Variants in GRIA2 observed in about 807,000 individuals in gnomAD.
The protein encoded by GRIA2 is glutamate receptor 2.
Under a neutral mutation model 97.3 loss-of-function variants are expected in GRIA2, and 14 were observed. That is an observed-to-expected ratio of 0.14 (90% CI 0.10 to 0.23). The LOEUF (loss-of-function observed/expected upper bound fraction) is 0.23, where lower values mean the gene tolerates loss of function less well. Among genes scored for constraint, GRIA2 ranks in the 10% least tolerant of loss-of-function variants. The probability of loss-of-function intolerance (pLI) is 1.00; values close to 1 mark genes in which losing one functional copy is unlikely to be tolerated. For missense variants in GRIA2, 558 were observed against 1,069.8 expected (o/e 0.52, Z 6.67); for synonymous variants, 412 against 387.8 (o/e 1.06, Z -0.73).
At chr4:157,327,204 A>C (rs1338171542) in intron 6 of GRIA2, among the ~76,000 whole-genome samples, 1 of 152,106 alleles carries the variant, frequency 6.6e-6, no homozygotes, top group Non-Finnish European at 1.5e-5. Flanking sequence ...CTTAAATCTC[A>C]CACAGTGGTT....
At chr4:157,338,535 T>C (rs1252371002) in intron 11 of GRIA2, among the ~76,000 whole-genome samples, 14 of 152,044 alleles carry the variant, frequency 9.2e-5, no homozygotes. Context: ...CCATGACATA[T>C]AGATGACTTC....
At chr4:157,258,735 A>G (rs1731392828) in intron 2 of GRIA2, among the ~76,000 whole-genome samples, 1 of 152,006 alleles carries the variant, frequency 6.6e-6, no homozygotes, top group Non-Finnish European at 1.5e-5. Context: ...ACCTGCCAAC[A>G]TGTGATGTCT....
intron 12 of GRIA2, among the ~76,000 whole-genome samples, chr4:157,358,606 G>A (rs559879544): frequency 6.6e-6 from 1 of 152,202 alleles, no homozygotes; most frequent in South Asian, 2.1e-4. Context: ...ATAGACCACT[G>A]AGCTGAAATG....
At chr4:157,311,898 A>C (rs531785461) in intron 3 of GRIA2, among the ~76,000 whole-genome samples, 2 of 152,202 alleles carry the variant, frequency 1.3e-5, no homozygotes, top group South Asian at 4.1e-4. Context: ...TGTAACTCTT[A>C]GTCCTAAATA....
At chr4:157,311,429 T>G (rs1184842205) in intron 3 of GRIA2, among the ~76,000 whole-genome samples, 1 of 152,028 alleles carries the variant, frequency 6.6e-6, no homozygotes, top group African/African-American at 2.4e-5. Context: ...TTCCTTCCCT[T>G]CTGGTGTCAT....
Position 157,312,862 on chromosome 4 carries a change from A to G in GRIA2, c.653A>G (p.Asp218Gly). The G allele has an allele frequency of 1.9e-6, 3 of 1,586,228 alleles. No homozygotes were observed. The highest frequency in any genetic ancestry group is 1.7e-6 in the Non-Finnish European group (2 of 1,164,132). The change falls in exon 4 of 16, where the codon GAC becomes GGC. Residue 218 changes from aspartate to glycine, a missense_variant. Around this residue, in one of 8 missense-constraint regions of GRIA2, gnomAD observed 173 missense variants for 209.1 expected, o/e 0.83. Coordinates refer to ENST00000264426, the MANE Select transcript of GRIA2 (RefSeq NM_001083619.3). ...GACTGTGAAAGGGATAAAGTAAACG[A>G]CATTGTAGACCAGGTTTGCTACTTT... ...ILDCERDKVN[D>G]IVDQVITIGK...
intron 2 of GRIA2, among the ~76,000 whole-genome samples, chr4:157,248,592 T>TACAC (rs1491429626): frequency 7.8e-6 from 1 of 128,030 alleles, no homozygotes; most frequent in African/African-American, 3.0e-5. Flanking sequence ...CGTGTATATA[T>TACAC]GTATATATAT....
At chr4:157,327,553 T>C (rs943344650) in intron 6 of GRIA2, among the ~76,000 whole-genome samples, 3 of 152,144 alleles carry the variant, frequency 2.0e-5, no homozygotes, top group Non-Finnish European at 4.4e-5. Flanking sequence ...TCAAAAATAA[T>C]TTATGAATAT....
intron 2 of GRIA2, among the ~76,000 whole-genome samples, chr4:157,295,666 T>C (rs1390479375): frequency 1.3e-5 from 2 of 152,118 alleles, no homozygotes; most frequent in African/African-American, 4.8e-5. Flanking sequence ...AGTGGAAAAG[T>C]GAACTTTAAA....
chr4:157,264,307 G>C (rs1731673162), intron 2 of GRIA2, among the ~76,000 whole-genome samples: 1 of 152,026 alleles, frequency 6.6e-6, no homozygotes, highest in Admixed American at 6.6e-5. Flanking sequence ...TTTCTTCCTG[G>C]AGTCTCTAGG....
chr4:157,323,060 G>A (rs1391708786), intron 6 of GRIA2, among the ~76,000 whole-genome samples: 1 of 152,074 alleles, frequency 6.6e-6, no homozygotes, highest in Non-Finnish European at 1.5e-5. Flanking sequence ...TTGTGGCCGG[G>A]CGCAGTGGCT....
At chr4:157,251,533 C>A (rs930907728) in intron 2 of GRIA2, among the ~76,000 whole-genome samples, 11 of 152,058 alleles carry the variant, frequency 7.2e-5, no homozygotes, top group African/African-American at 2.7e-4. Flanking sequence ...CTTACTTAGT[C>A]CTGTAGTACA....
intron 14 of GRIA2, among the ~76,000 whole-genome samples, chr4:157,362,091 T>A (rs913885387): frequency 3.9e-5 from 6 of 152,130 alleles, no homozygotes; most frequent in African/African-American, 1.4e-4. Context: ...GCTCTGTTTG[T>A]ATTGAATGGC....
At chr4:157,302,060 C>T (rs1733638839) in intron 2 of GRIA2, among the ~76,000 whole-genome samples, 1 of 151,804 alleles carries the variant, frequency 6.6e-6, no homozygotes, top group Non-Finnish European at 1.5e-5. Flanking sequence ...GTAATCCCAG[C>T]TACTCGAGAG....
At position 157,280,277 on chromosome 4, in the gene GRIA2, G is replaced by A. The variant is rs145409134; in HGVS notation, c.230-23275G>A. On this transcript the variant is annotated intron_variant, in intron 2 of 15. Transcript: ENST00000264426. The stretch of plus-strand genomic sequence containing the variant: ...AATGTCAAGGAACTGTGATGCTTGA[G>A]AGTTGAAGAGTCACAGGAAAAGTGA... Among the ~76,000 whole-genome samples the A allele has an allele frequency of 3.5e-3, 539 of 152,228 alleles. 2 individuals carry two copies. Among genetic ancestry groups the A allele is most frequent in the East Asian group, 0.018 (94 of 5,166 alleles).
chr4:157,340,361 T>C (rs1030688683), intron 11 of GRIA2, among the ~76,000 whole-genome samples: 2 of 151,940 alleles, frequency 1.3e-5, no homozygotes, highest in Non-Finnish European at 2.9e-5. Context: ...ATCAAATCTT[T>C]CAAAATAATA....
chr4:157,241,198 G>A (rs538532038), intron 2 of GRIA2, among the ~76,000 whole-genome samples: 66 of 152,218 alleles, frequency 4.3e-4, no homozygotes, highest in African/African-American at 1.5e-3. Flanking sequence ...GGCTTTGATG[G>A]ATACAGATTT....
At chr4:157,260,544 C>T (rs926401391) in intron 2 of GRIA2, among the ~76,000 whole-genome samples, 4 of 152,090 alleles carry the variant, frequency 2.6e-5, no homozygotes, top group Non-Finnish European at 1.5e-5. Context: ...CTCCCCCTGC[C>T]TTTAAAACAT....
At chr4:157,336,007 GT>G (rs1366853003) in intron 10 of GRIA2, 130 bp downstream of exon 10, 4 of 693,120 alleles carry the variant, frequency 5.8e-6, no homozygotes, top group Non-Finnish European at 7.7e-6. Flanking sequence ...ACATTATCTT[GT>G]TGATTTGTGA....
Sources: allele counts gnomAD v4.1 joint callset (sites outside exome capture counted in the v4.1 genomes callset), GRCh38; gene constraint gnomAD v4.1.1; regional missense constraint gnomAD v4.1.1; transcripts MANE v1.5; gene names NCBI Gene and HGNC (gene_info 2026-07-23, HGNC 2026-07-21).